The following SH3D19 variants were observed in gnomAD, a reference collection of about 807,000 sequenced individuals.
SH3D19 encodes SH3 domain containing 19.
In SH3D19, 58 loss-of-function variants were observed where a neutral mutation model predicts 112.1. The observed-to-expected ratio is 0.52, with a 90% CI of 0.42 to 0.64. SH3D19 has a LOEUF of 0.64. Ranked by LOEUF, SH3D19 falls within the 30% of genes least tolerant of loss-of-function variation. The pLI, the probability that SH3D19 is intolerant of heterozygous loss-of-function variation, is 0.00. For missense variants in SH3D19, 1,090 were observed against 1,263.4 expected, an observed-to-expected ratio of 0.86 and a Z score of 2.08; for synonymous variants, 391 against 448.5, an observed-to-expected ratio of 0.87 and a Z score of 1.62.
chr4:151,123,455 C>G (rs1396502499), intron 19 of SH3D19, among the ~76,000 whole-genome samples: 1 of 152,160 alleles, frequency 6.6e-6, no homozygotes, highest in East Asian at 1.9e-4. Flanking sequence ...CACATTCCTC[C>G]TATGGCCCCA....
chr4:151,158,419 C>T (rs1403498538), intron 9 of SH3D19, among the ~76,000 whole-genome samples: 1 of 152,048 alleles, frequency 6.6e-6, no homozygotes, highest in African/African-American at 2.4e-5. Flanking sequence ...CCTGCTTCAG[C>T]CTCTGGAGTA....
At chr4:151,313,496 A>T (rs1729691710) in intron 1 of SH3D19, among the ~76,000 whole-genome samples, 1 of 152,020 alleles carries the variant, frequency 6.6e-6, no homozygotes, top group African/African-American at 2.4e-5. Context: ...GACTCACTGC[A>T]GCCTCAAACA....
chr4:151,276,336 C>G (rs953573322), intron 1 of SH3D19, among the ~76,000 whole-genome samples: 1 of 152,162 alleles, frequency 6.6e-6, no homozygotes, highest in South Asian at 2.1e-4. Flanking sequence ...CCAGACCCCC[C>G]TTTAGAACTG....
rs1580253248 is a variant in SH3D19, at chr4:151,223,060, T to A, written c.152+2987A>T. ...TACATAAGTGTACTGCTTATCTCACTAGTGATAATATACATGTTGACTACT... is the reference window on the plus strand; with the variant it reads ...TACATAAGTGTACTGCTTATCTCACAAGTGATAATATACATGTTGACTACT... On this transcript the variant is annotated intron_variant, in intron 2 of 19. Transcript: ENST00000604030. 3.4e-5 allele frequency among the ~76,000 whole-genome samples: 5 copies of A among 146,468 alleles called. 1 individual carries two copies. Among genetic ancestry groups the A allele is most frequent in the Admixed American group, 6.9e-5 (1 of 14,530 alleles).
intron 2 of SH3D19, among the ~76,000 whole-genome samples, chr4:151,218,727 T>C (rs1029599862): frequency 4.6e-5 from 7 of 151,150 alleles, no homozygotes; most frequent in African/African-American, 1.7e-4. Context: ...TCACTATTTA[T>C]GACTTCCGCA....
intron 12 of SH3D19, among the ~76,000 whole-genome samples, chr4:151,143,665 C>A (rs1186181626): frequency 6.6e-6 from 1 of 151,422 alleles, no homozygotes; most frequent in Non-Finnish European, 1.5e-5. Context: ...CGCTCTATGG[C>A]CCAGGCTGGA....
chr4:151,129,680 C>G (rs1750199135), intron 17 of SH3D19, among the ~76,000 whole-genome samples: 1 of 152,090 alleles, frequency 6.6e-6, no homozygotes. Flanking sequence ...GGGACAAAGG[C>G]TTTGGAGCTA....
intron 1 of SH3D19, among the ~76,000 whole-genome samples, chr4:151,272,290 G>A (rs887823877): frequency 3.9e-5 from 6 of 152,108 alleles, no homozygotes; most frequent in Non-Finnish European, 8.8e-5. Context: ...GAAAATAAAA[G>A]CCTTAGGGAA....
chr4:151,200,445 G>A (rs181239866), intron 2 of SH3D19, among the ~76,000 whole-genome samples: 1 of 152,142 alleles, frequency 6.6e-6, no homozygotes, highest in African/African-American at 2.4e-5. Context: ...TTAAAGTAAA[G>A]CTAATATTAA....
intron 1 of SH3D19, among the ~76,000 whole-genome samples, chr4:151,255,425 G>A (rs1424872626): frequency 5.9e-5 from 9 of 151,322 alleles, no homozygotes; most frequent in Middle Eastern, 3.4e-3. Flanking sequence ...CATCTCAGAG[G>A]ATGGGCGGCC....
At chr4:151,288,621 A>G (rs559898595) in intron 1 of SH3D19, among the ~76,000 whole-genome samples, 80 of 151,982 alleles carry the variant, frequency 5.3e-4, no homozygotes, top group Middle Eastern at 3.4e-3. Context: ...GTGAGCTGAG[A>G]TCTCGCCACT....
chr4:151,180,665 C>G (rs1760757068), intron 3 of SH3D19, among the ~76,000 whole-genome samples: 1 of 151,324 alleles, frequency 6.6e-6, no homozygotes, highest in Non-Finnish European at 1.5e-5. Flanking sequence ...CTTGGCCTCC[C>G]AAAGTGCTGG....
At chr4:151,317,517 C>T (rs1016609893) in intron 1 of SH3D19, among the ~76,000 whole-genome samples, 8 of 152,134 alleles carry the variant, frequency 5.3e-5, no homozygotes, top group African/African-American at 1.9e-4. Flanking sequence ...AGTTATAGAA[C>T]TGCTGGATGA....
intron 1 of SH3D19, among the ~76,000 whole-genome samples, chr4:151,297,406 T>C (rs994465582): frequency 2.6e-5 from 4 of 152,212 alleles, no homozygotes; most frequent in Admixed American, 2.6e-4. Context: ...GCTATAATTA[T>C]CTCTGAACAC....
At chr4:151,267,157 TA>T (rs1378855145) in intron 1 of SH3D19, among the ~76,000 whole-genome samples, 46 of 57,358 alleles carry the variant, frequency 8.0e-4, no homozygotes, top group Admixed American at 1.0e-3. Flanking sequence ...AGTCTCTCTC[TA>T]AAAAAAAAAA....
chr4:151,144,176 AT>A (rs34657502), intron 11 of SH3D19, 126 bp from the exon 12 acceptor site: 3,454 of 1,424,256 alleles, frequency 2.4e-3, no homozygotes, highest in South Asian at 3.1e-3. Flanking sequence ...GAGGCCAGTA[AT>A]TTTTTTTTTA....
chr4:151,279,711 T>C (rs1773999650), intron 1 of SH3D19: 1 of 1,319,964 alleles, frequency 7.6e-7, no homozygotes, highest in Non-Finnish European at 1.1e-6. Flanking sequence ...TAGGAATAGA[T>C]GGGAGTTTGG....
chr4:151,237,150 C>T (rs577226960), intron 1 of SH3D19, among the ~76,000 whole-genome samples: 2 of 152,188 alleles, frequency 1.3e-5, no homozygotes, highest in East Asian at 1.9e-4. Context: ...AGCGAGACCA[C>T]GAACCCAGCG....
At chr4:151,197,540 T>C (rs1291228409) in intron 2 of SH3D19, among the ~76,000 whole-genome samples, 2 of 152,232 alleles carry the variant, frequency 1.3e-5, no homozygotes, top group African/African-American at 4.8e-5. Flanking sequence ...CACGTGACTA[T>C]TTGGGAAGAG....
Sources: allele counts gnomAD v4.1 joint callset (sites outside exome capture counted in the v4.1 genomes callset), GRCh38; gene constraint gnomAD v4.1.1; transcripts MANE v1.5; gene names NCBI Gene and HGNC (gene_info 2026-07-23, HGNC 2026-07-21).